Variants in FOSL1 observed in about 807,000 individuals in gnomAD.
The protein encoded by FOSL1 is FOS like 1, AP-1 transcription factor subunit.
Under a neutral mutation model 24.9 loss-of-function variants are expected in FOSL1, and 14 were observed. That is an observed-to-expected ratio of 0.56 (90% CI 0.37 to 0.88). The LOEUF (loss-of-function observed/expected upper bound fraction) is 0.88, where lower values mean the gene tolerates loss of function less well. Ranked by LOEUF, FOSL1 falls within the 40% of genes least tolerant of loss-of-function variation. The pLI is 0.00. For synonymous variants in FOSL1, 133 were observed against 145.1 expected, an observed-to-expected ratio of 0.92 and a Z score of 0.60; for missense variants, 318 against 359.8, an observed-to-expected ratio of 0.88 and a Z score of 0.94.
intron 2 of FOSL1, among the ~76,000 whole-genome samples, chr11:65,895,176 T>G (rs927136125): frequency 1.4e-5 from 2 of 143,494 alleles, no homozygotes; most frequent in Admixed American, 1.5e-4. Flanking sequence ...CAGGCTGGAG[T>G]GCAGTGGTGC....
rs768177807 is a variant in FOSL1, at chr11:65,893,174, T to C, written c.528A>G (p.Glu176=). The change falls in exon 4 of 4, where the codon GAA becomes GAG. Residue 176 remains glutamate, a synonymous_variant. Coordinates refer to ENST00000312562, the MANE Select transcript of FOSL1 (RefSeq NM_005438.5). ...TGCCTGTGTCCCCCTCCTTGGCTCC[T>C]TCCGGGATTTTGCAGATGGGTCGGT... ...EAHRPICKIP[E]GAKEGDTGST... The C allele has an allele frequency of 1.2e-6, 2 of 1,613,888 alleles. No individual in the cohort carries two copies. Among genetic ancestry groups the C allele is most frequent in the Non-Finnish European group, 1.7e-6 (2 of 1,179,988 alleles).
At chr11:65,894,744 C>T (rs556002374) in intron 2 of FOSL1, among the ~76,000 whole-genome samples, 1 of 152,206 alleles carries the variant, frequency 6.6e-6, no homozygotes, top group African/African-American at 2.4e-5. Flanking sequence ...GCAACCTCCA[C>T]CTACTGGGTT....
In FOSL1 at chr11:65,892,803, C is replaced by A; in HGVS notation, c.*83G>T. On this transcript the variant is annotated 3_prime_UTR_variant, in exon 4 of 4. Coordinates refer to ENST00000312562, the MANE Select transcript of FOSL1 (RefSeq NM_005438.5). ...AGTTGCTGGAGTTGGATGTGGGATA[C>A]TGTCCAGGCCAGCTGGACCGGTGGG... 1 of 1,372,170 alleles carries A rather than the reference C, an allele frequency of 7.3e-7. No homozygotes were observed. Among genetic ancestry groups the A allele is most frequent in the Non-Finnish European group, 1.0e-6 (1 of 989,012 alleles). 85.0% of individuals were successfully genotyped at this position (1,372,170 alleles called of 1,614,324 possible).
At chr11:65,900,154 C>A (rs1860636064) in intron 1 of FOSL1, 87 bp downstream of exon 1, 1 of 653,034 alleles carries the variant, frequency 1.5e-6, no homozygotes, top group East Asian at 3.5e-5. Flanking sequence ...TCCGGTTCCC[C>A]GCTCCAGTCC....
intron 2 of FOSL1, among the ~76,000 whole-genome samples, chr11:65,894,577 T>G (rs938096412): frequency 6.6e-6 from 1 of 152,240 alleles, no homozygotes; most frequent in African/African-American, 2.4e-5. Context: ...AAGTTGCAAT[T>G]TATTGGAAAA....
chr11:65,893,326 G>A (rs771440586), intron 3 of FOSL1, 30 bp from the exon 4 acceptor site: 14 of 1,565,004 alleles, frequency 8.9e-6, no homozygotes, highest in Non-Finnish European at 1.2e-5. Context: ...GAGTCAGAAA[G>A]GTGAGGGCTG....
intron 1 of FOSL1, among the ~76,000 whole-genome samples, chr11:65,898,045 G>GTTTTCTTTTT: frequency 9.8e-6 from 1 of 101,840 alleles, no homozygotes; most frequent in South Asian, 3.2e-4. Flanking sequence ...TTTCTTTTCT[G>GTTTTCTTTTT]TTTTTTTTTT....
chr11:65,897,483 G>T (rs1049959795), intron 1 of FOSL1, among the ~76,000 whole-genome samples: 2 of 151,838 alleles, frequency 1.3e-5, no homozygotes, highest in African/African-American at 4.8e-5. Context: ...GGGATTATAG[G>T]CGTGCACCAC....
intron 2 of FOSL1, among the ~76,000 whole-genome samples, chr11:65,896,573 C>T (rs1860531210): frequency 6.6e-6 from 1 of 152,162 alleles, no homozygotes; most frequent in Admixed American, 6.5e-5. Context: ...GCCAGTCCTA[C>T]CCATCCTTCT....
intron 2 of FOSL1, among the ~76,000 whole-genome samples, chr11:65,895,835 C>T (rs778783145): frequency 6.6e-5 from 10 of 152,148 alleles, no homozygotes. Flanking sequence ...TTAACCTCAT[C>T]CCCTGTAGTC....
At chr11:65,895,249 G>A (rs1187126495) in intron 2 of FOSL1, among the ~76,000 whole-genome samples, 3 of 149,806 alleles carry the variant, frequency 2.0e-5, no homozygotes, top group Non-Finnish European at 3.0e-5. Context: ...TCAGCCTCCC[G>A]AGTAGCTGCG....
At position 65,898,975 on chromosome 11, in the gene FOSL1, AAAG is replaced by A. The variant is rs1304485696; in HGVS notation, c.99+1263_99+1265del. Among the ~76,000 whole-genome samples the A allele has an allele frequency of 5.4e-3, 63 of 11,652 alleles. 2 individuals are homozygous for A. The highest frequency in any genetic ancestry group is 0.056 in the South Asian group (1 of 18). 7.6% of individuals were successfully genotyped at this position (11,652 alleles called of 152,430 possible). A position where few individuals can be genotyped will look rare whatever the true frequency, so the allele number is the denominator to read the frequency against. ...GACCCTGTCTCAGAAAAAAAAAAAA[AAAG>A]AAAAGAAAGAGAAGGAAAGAAAATT... On this transcript the variant is annotated intron_variant, in intron 1 of 3. Transcript: ENST00000312562.
At chr11:65,893,953 G>T in intron 3 of FOSL1, 61 bp downstream of exon 3, 1 of 1,143,350 alleles carries the variant, frequency 8.7e-7, no homozygotes, top group Non-Finnish European at 1.3e-6. Flanking sequence ...ATATACTGGG[G>T]CTCTGGGGGC....
Position 65,896,704 on chromosome 11 carries a change from A to C in FOSL1, c.297+105T>G. 3 of 963,880 alleles carry C rather than the reference A, an allele frequency of 3.1e-6. No homozygotes were observed. In the South Asian group the frequency reaches 5.1e-5, roughly 16 times the overall value. 59.7% of individuals were successfully genotyped at this position (963,880 alleles called of 1,614,324 possible). Reference sequence around the variant, plus strand: ...CTTGGGCAGTAGTCACCTGTAGCCTACCTTACCCCCTCCTAAGCCTGTGCT... The same window carrying C: ...CTTGGGCAGTAGTCACCTGTAGCCTCCCTTACCCCCTCCTAAGCCTGTGCT... On this transcript the variant is annotated intron_variant, in intron 2 of 3. Coordinates refer to ENST00000312562, the MANE Select transcript of FOSL1 (RefSeq NM_005438.5).
chr11:65,896,977 G>T lies in FOSL1; in HGVS notation c.129C>A (p.Thr43=). 6.2e-7 allele frequency: 1 copy of T among 1,614,118 alleles called. No homozygotes were observed. The highest frequency in any genetic ancestry group is 1.1e-5 in the South Asian group (1 of 91,082). Residue 43 remains threonine, a synonymous_variant, in exon 2 of 4, where the codon ACC becomes ACA. Coordinates refer to ENST00000312562, the MANE Select transcript of FOSL1 (RefSeq NM_005438.5). ...QKFHLVPSIN[T]MSGSQELQWM... is the part of the protein sequence containing the mutation. Reference sequence around the variant, plus strand: ...ACTGCAGCTCCTGACTGCCACTCATGGTGTTGATGCTTGGCACCAGGTGGA... The same window carrying T: ...ACTGCAGCTCCTGACTGCCACTCATTGTGTTGATGCTTGGCACCAGGTGGA...
upstream of FOSL1, chr11:65,900,466 G>A (rs1469665844): frequency 1.9e-5 from 9 of 478,782 alleles, no homozygotes; most frequent in Admixed American, 3.5e-4. Flanking sequence ...GGGGGGTGGG[G>A]GCGTTGCAGC....
Position 65,896,860 on chromosome 11 carries a change from G to C in FOSL1, c.246C>G (p.Val82=), listed in dbSNP as rs1460238917. 1 of 1,613,596 alleles carries C rather than the reference G, an allele frequency of 6.2e-7. No homozygotes were observed. Among genetic ancestry groups the C allele is most frequent in the East Asian group, 2.2e-5 (1 of 44,874 alleles). ...QYSPPQPRPG[V]IRALGPPPGV... is the part of the protein sequence containing the mutation. ...CTGGAGGCGGCCCCAGGGCCCGGATGACTCCTGGCCGGGGTTGTGGGGGGC... is the reference window on the plus strand; with the variant it reads ...CTGGAGGCGGCCCCAGGGCCCGGATCACTCCTGGCCGGGGTTGTGGGGGGC... Residue 82 remains valine, a synonymous_variant, in exon 2 of 4, where the codon GTC becomes GTG. Transcript: ENST00000312562.
chr11:65,898,045 G>GGTTTTTTTTT (rs1222409454), intron 1 of FOSL1, among the ~76,000 whole-genome samples: 2 of 101,838 alleles, frequency 2.0e-5, no homozygotes, highest in Non-Finnish European at 3.5e-5. Flanking sequence ...TTTCTTTTCT[G>GGTTTTTTTTT]TTTTTTTTTT....
Position 65,896,754 on chromosome 11 carries a change from G to A in FOSL1, c.297+55C>T, listed in dbSNP as rs903303352. 1.5e-5 allele frequency: 21 copies of A among 1,422,854 alleles called. No individual in the cohort carries two copies. In the African/African-American group the frequency reaches 2.6e-4, roughly 17 times the overall value. 88.1% of individuals were successfully genotyped at this position (1,422,854 alleles called of 1,614,324 possible). On this transcript the variant is annotated intron_variant, in intron 2 of 3. Coordinates refer to ENST00000312562, the MANE Select transcript of FOSL1 (RefSeq NM_005438.5). ...TCTCCTTTCTGGCAGGAGCTTCTCT[G>A]CACCCTAGCACTCCTGGGCGGGGTC...
Sources: gnomAD v4.1 joint callset for allele counts (sites outside exome capture counted in the v4.1 genomes callset) on GRCh38, gnomAD v4.1.1 for gene constraint, MANE v1.5 for transcripts, NCBI Gene and HGNC (gene_info 2026-07-23, HGNC 2026-07-21) for gene names.